The following DIAPH2 variants were observed in gnomAD, a reference collection of about 807,000 sequenced individuals.
The protein encoded by DIAPH2 is protein diaphanous homolog 2.
Under a neutral mutation model 92.7 loss-of-function variants are expected in DIAPH2, and 35 were observed. The observed-to-expected ratio is 0.38, with a 90% confidence interval of 0.29 to 0.50. The LOEUF (loss-of-function observed/expected upper bound fraction) is 0.50, where lower values mean the gene tolerates loss of function less well. DIAPH2 is among the 20% of genes least tolerant of loss of function. The pLI, the probability that DIAPH2 is intolerant of heterozygous loss-of-function variation, is 0.94. For synonymous variants in DIAPH2, 301 were observed against 280.4 expected (o/e 1.07, Z -0.73); for missense variants, 701 against 819.5 (o/e 0.86, Z 1.77).
At chrX:97,560,642 G>A (rs1002047671) in intron 26 of DIAPH2, among the ~76,000 whole-genome samples, 6 of 111,471 alleles carry the variant, frequency 5.4e-5, no homozygotes, top group East Asian at 2.8e-4. Flanking sequence ...ACAGGCACCC[G>A]CTACCAGGCC....
intron 26 of DIAPH2, among the ~76,000 whole-genome samples, chrX:97,560,617 T>C (rs945268864): frequency 9.0e-6 from 1 of 111,606 alleles, no homozygotes; most frequent in African/African-American, 3.3e-5. Flanking sequence ...CTCAGCCTCC[T>C]GAGTAGCTGG....
At chrX:97,400,104 G>A (rs1010572103) in intron 25 of DIAPH2, among the ~76,000 whole-genome samples, 6 of 112,187 alleles carry the variant, frequency 5.3e-5, no homozygotes, top group African/African-American at 1.9e-4. Flanking sequence ...TGGTAGGTGT[G>A]GAAATATATG....
intron 22 of DIAPH2, among the ~76,000 whole-genome samples, chrX:97,241,232 A>T (rs2068090479): frequency 8.9e-6 from 1 of 112,013 alleles, no homozygotes; most frequent in Non-Finnish European, 1.9e-5. Flanking sequence ...ACTTAGAATA[A>T]TGTCTAGCAC....
At chrX:96,867,730 TC>T (rs2065114422) in intron 4 of DIAPH2, among the ~76,000 whole-genome samples, 1 of 111,186 alleles carries the variant, frequency 9.0e-6, no homozygotes, top group Non-Finnish European at 1.9e-5. Context: ...TGAAATGAAA[TC>T]CCCCAAAATC....
Position 96,751,652 on chromosome X carries a change from G to GTTTTTTTGTTTTTTT in DIAPH2, c.343-6495_343-6494insGTTTTTTTTTTTTTT, listed in dbSNP as rs2064190564. On this transcript the variant is annotated intron_variant, in intron 3 of 26. Transcript: ENST00000324765. ...ATGGTCAACTAGACTTCAGTGTTTTGTTTTTTTTTTTTTTTTTTTGAGACG... is the reference window on the plus strand; with the variant it reads ...ATGGTCAACTAGACTTCAGTGTTTTGTTTTTTTGTTTTTTTTTTTTTTTTTTTTTTTTTTGAGACG... Among the ~76,000 whole-genome samples the GTTTTTTTGTTTTTTT allele has an allele frequency of 2.7e-4, 16 of 60,312 alleles. 1 individual carries two copies. Among genetic ancestry groups the GTTTTTTTGTTTTTTT allele is most frequent in the African/African-American group, 1.0e-3 (16 of 15,707 alleles). 52.4% of individuals were successfully genotyped at this position (60,312 alleles called of 115,157 possible).
At chrX:97,071,779 T>G (rs906869513) in intron 17 of DIAPH2, among the ~76,000 whole-genome samples, 5 of 112,010 alleles carry the variant, frequency 4.5e-5, no homozygotes, top group African/African-American at 1.6e-4. Context: ...TTATGTTGCT[T>G]TTTCTCTAAA....
chrX:97,152,000 C>T (rs978608892), intron 22 of DIAPH2, among the ~76,000 whole-genome samples: 1 of 111,517 alleles, frequency 9.0e-6, no homozygotes, highest in African/African-American at 3.3e-5. Context: ...ATAAGAAAAG[C>T]TGGATCATGC....
At chrX:97,201,162 G>A (rs752553770) in intron 22 of DIAPH2, among the ~76,000 whole-genome samples, 5 of 92,728 alleles carry the variant, frequency 5.4e-5, no homozygotes, top group African/African-American at 2.1e-4. Flanking sequence ...CCATCCAAAG[G>A]TCATCAGCCT....
intron 13 of DIAPH2, among the ~76,000 whole-genome samples, chrX:96,943,364 T>C (rs2065718083): frequency 9.0e-6 from 1 of 111,306 alleles, no homozygotes; most frequent in African/African-American, 3.3e-5. Flanking sequence ...TTCCTTAGGA[T>C]TGATTTCTGT....
rs191864569 is a variant in DIAPH2 at position 97,371,203 on chromosome X, A to G, written c.3010-12706A>G. On this transcript the variant is annotated intron_variant, in intron 24 of 26. Coordinates refer to ENST00000324765, the MANE Select transcript of DIAPH2 (RefSeq NM_006729.5). ...ATTAAATGTAGGCAAATTAGTCTCT[A>G]TGAGAAAGTTATTGTTCAGAAAATG... 7.3e-4 allele frequency among the ~76,000 whole-genome samples: 81 copies of G among 111,555 alleles called. No individual in the cohort carries two copies. In the East Asian group the frequency reaches 0.021, roughly 28 times the overall value.
At chrX:97,067,183 C>G in intron 17 of DIAPH2, among the ~76,000 whole-genome samples, 1 of 111,884 alleles carries the variant, frequency 8.9e-6, no homozygotes. Context: ...TTATTCCTCA[C>G]AAAACAGACT....
At chrX:97,238,891 T>C (rs1013999392) in intron 22 of DIAPH2, among the ~76,000 whole-genome samples, 3 of 111,845 alleles carry the variant, frequency 2.7e-5, no homozygotes, top group Non-Finnish European at 5.6e-5. Flanking sequence ...GTTCCGCTGA[T>C]AGTAATTCTT....
At chrX:97,337,243 T>C (rs2069071845) in intron 23 of DIAPH2, among the ~76,000 whole-genome samples, 1 of 110,318 alleles carries the variant, frequency 9.1e-6, no homozygotes, top group African/African-American at 3.3e-5. Context: ...GTACTTGATA[T>C]ACTTCGGATA....
chrX:97,520,228 T>C (rs2070981741), intron 26 of DIAPH2, among the ~76,000 whole-genome samples: 1 of 112,713 alleles, frequency 8.9e-6, no homozygotes, highest in East Asian at 2.8e-4. Context: ...GTACAGGCTA[T>C]GTTTTTTTAA....
chrX:97,401,094 G>T (rs2069752863), intron 25 of DIAPH2, among the ~76,000 whole-genome samples: 1 of 109,510 alleles, frequency 9.1e-6, no homozygotes, highest in Non-Finnish European at 1.9e-5. Flanking sequence ...AACTCTTTTT[G>T]CCTGAAATAC....
At chrX:97,374,884 A>G (rs2069484391) in intron 24 of DIAPH2, among the ~76,000 whole-genome samples, 1 of 111,609 alleles carries the variant, frequency 9.0e-6, no homozygotes, top group Admixed American at 9.5e-5. Flanking sequence ...AGGTTGTTCA[A>G]TTTCTTGTTC....
chrX:97,336,934 AT>A (rs77090765), intron 23 of DIAPH2, among the ~76,000 whole-genome samples: 10 of 109,156 alleles, frequency 9.2e-5, no homozygotes, highest in Non-Finnish European at 1.3e-4. Flanking sequence ...ATTTAAAAGC[AT>A]TTTTTTTATC....
intron 5 of DIAPH2, among the ~76,000 whole-genome samples, chrX:96,902,138 C>A (rs2065401835): frequency 9.0e-6 from 1 of 111,716 alleles, no homozygotes; most frequent in Middle Eastern, 4.6e-3. Context: ...CCATTGTGTT[C>A]TGAGAAGATG....
chrX:97,553,151 A>G (rs1051390328), intron 26 of DIAPH2, among the ~76,000 whole-genome samples: 1 of 112,373 alleles, frequency 8.9e-6, no homozygotes, highest in South Asian at 3.7e-4. Context: ...GATTTATATT[A>G]TTCTACTGTT....
Sources: gnomAD v4.1 joint callset for allele counts (sites outside exome capture counted in the v4.1 genomes callset) on GRCh38, gnomAD v4.1.1 for gene constraint, MANE v1.5 for transcripts, NCBI Gene and HGNC (gene_info 2026-07-23, HGNC 2026-07-21) for gene names.